The following NHSL2 variants were observed in gnomAD, a reference collection of about 807,000 sequenced individuals.
The protein encoded by NHSL2 is NHS-like protein 2.
NHSL2 carries 27 observed loss-of-function variants against 53.4 expected under a neutral mutation model. The ratio of observed to expected loss-of-function variants is 0.51; its 90% CI spans 0.37 to 0.70. The LOEUF (loss-of-function observed/expected upper bound fraction) is 0.70, where lower values mean the gene tolerates loss of function less well. NHSL2 is among the 30% of genes least tolerant of loss of function. NHSL2 has a pLI of 0.00. For missense variants in NHSL2, 892 were observed against 980.1 expected (o/e 0.91, Z 1.20); for synonymous variants, 408 against 404.1 (o/e 1.01, Z -0.12).
chrX:71,912,394 A>G (rs2041608763), intron 1 of NHSL2, among the ~76,000 whole-genome samples: 1 of 112,526 alleles, frequency 8.9e-6, no homozygotes, highest in African/African-American at 3.2e-5. Flanking sequence ...AGCTGGGGAG[A>G]GAAGGAGCAG....
At chrX:72,073,557 T>G (rs2041718108) in intron 1 of NHSL2, among the ~76,000 whole-genome samples, 1 of 112,194 alleles carries the variant, frequency 8.9e-6, no homozygotes, top group Non-Finnish European at 1.9e-5. Context: ...GAAAGAGAGT[T>G]AATATCCATC....
At chrX:72,000,879 A>G (rs748915016) in intron 1 of NHSL2, among the ~76,000 whole-genome samples, 2 of 112,529 alleles carry the variant, frequency 1.8e-5, no homozygotes, top group Admixed American at 9.4e-5. Flanking sequence ...TCCCCTTGTT[A>G]TGTAACTGAA....
At chrX:71,953,377 C>T (rs1460782354) in intron 1 of NHSL2, among the ~76,000 whole-genome samples, 3 of 112,139 alleles carry the variant, frequency 2.7e-5, no homozygotes, top group Non-Finnish European at 5.6e-5. Flanking sequence ...TGTTTACTTT[C>T]GTAGTTTCCT....
At chrX:72,073,378 T>G (rs1322276049) in intron 1 of NHSL2, among the ~76,000 whole-genome samples, 1 of 111,589 alleles carries the variant, frequency 9.0e-6, no homozygotes, top group Non-Finnish European at 1.9e-5. Context: ...TGGGATTGAG[T>G]TCTCACCAAC....
chrX:72,069,614 G>A, intron 1 of NHSL2: 1 of 679,568 alleles, frequency 1.5e-6, no homozygotes, highest in Non-Finnish European at 1.9e-6. Flanking sequence ...GGAGGAGTAG[G>A]AGGAGGAGGA....
At chrX:71,976,809 G>T (rs2041950443) in intron 1 of NHSL2, among the ~76,000 whole-genome samples, 1 of 111,486 alleles carries the variant, frequency 9.0e-6, no homozygotes, top group Non-Finnish European at 1.9e-5. Flanking sequence ...AACACACAGT[G>T]ACAGGAAGAC....
chrX:71,934,153 G>A (rs2041726773), intron 1 of NHSL2, among the ~76,000 whole-genome samples: 1 of 111,439 alleles, frequency 9.0e-6, no homozygotes, highest in South Asian at 3.7e-4. Context: ...CTCTATCCTC[G>A]TTTTGGTACA....
At position 72,139,087 on chromosome X, in the gene NHSL2, T is replaced by G. The variant is rs1411788538; in HGVS notation, c.1539T>G (p.Asp513Glu). The G allele has an allele frequency of 8.5e-7, 1 of 1,169,683 alleles. No individual in the cohort carries two copies. Among genetic ancestry groups the G allele is most frequent in the South Asian group, 1.9e-5 (1 of 52,827 alleles). ...CAGGCACCACAGATGTGGACTATGA[T>G]GAGGAGCAGAAGGCCAATGAGGCCT... ...TDSGTTDVDY[D>E]EEQKANEACA... The change falls in exon 6 of 8, where the codon GAT (aspartate) becomes GAG (glutamate). Residue 513 changes from aspartate to glutamate, a missense_variant. Coordinates refer to ENST00000633930, the MANE Select transcript of NHSL2 (RefSeq NM_001013627.3).
Position 72,092,872 on chromosome X carries a change from C to T in NHSL2, c.281-39207C>T, listed in dbSNP as rs139314071. On this transcript the variant is annotated intron_variant, in intron 1 of 7. Coordinates refer to ENST00000633930, the MANE Select transcript of NHSL2 (RefSeq NM_001013627.3). ...AACTGTGGTGACCTTGGGCAAGTTT[C>T]TTGACTTCTCCATTTCCTTACCAAT... Among the ~76,000 whole-genome samples the T allele has an allele frequency of 6.4e-4, 72 of 112,559 alleles. No homozygotes were observed. In the East Asian group the frequency reaches 0.015, roughly 24 times the overall value.
At chrX:71,991,563 T>C (rs993638928) in intron 1 of NHSL2, among the ~76,000 whole-genome samples, 1 of 112,655 alleles carries the variant, frequency 8.9e-6, no homozygotes, top group Non-Finnish European at 1.9e-5. Context: ...GGAGATTTTA[T>C]TCCATTGAAA....
intron 1 of NHSL2, among the ~76,000 whole-genome samples, chrX:72,120,184 T>A (rs1415376064): frequency 8.9e-6 from 1 of 112,236 alleles, no homozygotes; most frequent in Admixed American, 9.4e-5. Flanking sequence ...GATGTTTTTG[T>A]CAGTTTGGGT....
Position 71,921,381 on chromosome X carries a change from T to C in NHSL2, c.280+10014T>C, listed in dbSNP as rs2041657887. Among the ~76,000 whole-genome samples, 3 of 105,010 alleles carry C rather than the reference T, an allele frequency of 2.9e-5. No individual in the cohort carries two copies. In the Admixed American group the frequency reaches 3.0e-4, roughly 11 times the overall value. The allele number at this position is 105,010 out of a possible 115,157, so 91.2% of individuals were successfully genotyped here. On this transcript the variant is annotated intron_variant, in intron 1 of 7. Transcript: ENST00000633930. ...GTTGCAGCGAGCCGAGATTGTGCCA[T>C]TGCACTCCAGCCTGGGTGACAAGAG...
chrX:72,129,962 T>C (rs757730444), intron 1 of NHSL2: 38 of 1,209,014 alleles, frequency 3.1e-5, no homozygotes, highest in Non-Finnish European at 4.0e-5. Context: ...TGGGGGGAGC[T>C]GTAGAATGGT....
At chrX:72,028,302 G>A (rs2042196807) in intron 1 of NHSL2, among the ~76,000 whole-genome samples, 1 of 112,622 alleles carries the variant, frequency 8.9e-6, no homozygotes, top group African/African-American at 3.2e-5. Context: ...CTACTCAGCT[G>A]AAAGGGGGAA....
chrX:72,073,991 G>A (rs1359306985), intron 1 of NHSL2, among the ~76,000 whole-genome samples: 1 of 112,461 alleles, frequency 8.9e-6, no homozygotes, highest in Non-Finnish European at 1.9e-5. Context: ...GGGACTCCAT[G>A]CTGGGTCCAG....
intron 1 of NHSL2, among the ~76,000 whole-genome samples, chrX:71,964,933 G>A (rs778670530): frequency 9.0e-6 from 1 of 111,571 alleles, no homozygotes; most frequent in East Asian, 2.8e-4. Context: ...TGCAATGTAA[G>A]TTCATAAATT....
chrX:72,131,928 G>A (rs2042306830), intron 1 of NHSL2, 151 bp from the exon 2 acceptor site: 7 of 517,597 alleles, frequency 1.4e-5, no homozygotes, highest in African/African-American at 2.5e-5. Context: ...AAAATCTTGC[G>A]GCCGGCGATT....
intron 1 of NHSL2, among the ~76,000 whole-genome samples, chrX:72,047,593 T>C (rs1467332965): frequency 8.9e-6 from 1 of 112,075 alleles, no homozygotes; most frequent in African/African-American, 3.2e-5. Context: ...AATTTTTAGC[T>C]CAATAGTTGT....
intron 1 of NHSL2, among the ~76,000 whole-genome samples, chrX:72,086,001 G>C (rs369173352): frequency 1.4e-4 from 16 of 111,560 alleles, no homozygotes; most frequent in African/African-American, 4.6e-4. Context: ...AAGAATTCTA[G>C]CATCTCTCCC....
Sources: gnomAD v4.1 joint callset for allele counts (sites outside exome capture counted in the v4.1 genomes callset) on GRCh38, gnomAD v4.1.1 for gene constraint, MANE v1.5 for transcripts, NCBI Gene and HGNC (gene_info 2026-07-23, HGNC 2026-07-21) for gene names.